The following BCORL1 variants were observed in gnomAD, a reference collection of about 807,000 sequenced individuals.
The protein encoded by BCORL1 is BCL6 corepressor like 1, also known as BCL-6 corepressor-like protein 1.
In BCORL1, 7 loss-of-function variants were observed where a neutral mutation model predicts 87.6. That is an observed-to-expected ratio of 0.08 (90% CI 0.05 to 0.15). The LOEUF (loss-of-function observed/expected upper bound fraction) is 0.15, where lower values mean the gene tolerates loss of function less well. Among genes scored for constraint, BCORL1 ranks in the 10% least tolerant of loss-of-function variants. The pLI is 1.00. For synonymous variants in BCORL1, 591 were observed against 634.4 expected (o/e 0.93, Z 1.03); for missense variants, 1,215 against 1,499.7 (o/e 0.81, Z 3.13).
chrX:130,006,424 G>T (rs1052828700), intron 2 of BCORL1, among the ~76,000 whole-genome samples: 2 of 105,421 alleles, frequency 1.9e-5, no homozygotes, highest in Non-Finnish European at 3.9e-5. Context: ...GCAGTGGCGC[G>T]ATCTCGGCTC....
At position 130,016,230 on chromosome X, in the gene BCORL1, G is replaced by A. The variant is rs1408315076; in HGVS notation, c.3441+17G>A. On this transcript the variant is annotated intron_variant, in intron 4 of 13. Coordinates refer to ENST00000540052, the MANE Select transcript of BCORL1 (RefSeq NM_001379451.1). Reference sequence around the variant, plus strand: ...AGACCCAAGGTGAGTGCTGAGCTAAGGTCCAGGGTGGGGCCGAGATGCCGC... The same window carrying A: ...AGACCCAAGGTGAGTGCTGAGCTAAAGTCCAGGGTGGGGCCGAGATGCCGC... The A allele has an allele frequency of 6.0e-6, 7 of 1,175,362 alleles. No homozygotes were observed. Among genetic ancestry groups the A allele is most frequent in the Non-Finnish European group, 8.0e-6 (7 of 876,083 alleles).
At chrX:130,018,054 C>T (rs2124462416) in intron 4 of BCORL1, among the ~76,000 whole-genome samples, 1 of 112,232 alleles carries the variant, frequency 8.9e-6, no homozygotes, top group East Asian at 2.8e-4. Flanking sequence ...AGGGTGGTAT[C>T]ATAGATTGAT....
Position 130,022,961 on chromosome X carries a change from C to T in BCORL1, c.3672C>T (p.Arg1224=), listed in dbSNP as rs769316461. ...TTATTCCTGTGGTTCTGAGCACCCG[C>T]ACGCGCAGTCAGTCTGGTGAGTGAG... The part of the protein sequence containing the change: ...RDFIPVVLST[R]TRSQSGSICS... The change falls in exon 6 of 14, where the codon CGC becomes CGT. Residue 1224 remains arginine (R), a synonymous_variant. Transcript: ENST00000540052. 4.1e-6 allele frequency: 5 copies of T among 1,206,103 alleles called. No individual in the cohort carries two copies. The African/African-American group carries it at 7.0e-5, about 17-fold the overall frequency.
rs184809857 is a variant in BCORL1 at position 129,986,856 on chromosome X, A to G, written c.-45+4094A>G. 1.5e-4 allele frequency among the ~76,000 whole-genome samples: 17 copies of G among 111,950 alleles called. No homozygotes were observed. The East Asian group carries it at 4.7e-3, about 31-fold the overall frequency. On this transcript the variant is annotated intron_variant, in intron 1 of 13. Coordinates refer to ENST00000540052, the MANE Select transcript of BCORL1 (RefSeq NM_001379451.1). The stretch of plus-strand genomic sequence containing the variant: ...AAAAAAACAAAAAAACAAAAAAAGA[A>G]AAAAGAAAAAAATGTTCAGTACAGG...
chrX:129,982,744 C>CGA lies in BCORL1; in HGVS notation c.-55_-54dup, dbSNP rs1252397219. ...CCTAGAGTCCGACCGCCGCCGCCGCCGAGAGAGAGGAGAAGGAGGTCGGTG... is the reference window on the plus strand; with the variant it reads ...CCTAGAGTCCGACCGCCGCCGCCGCCGAGAGAGAGAGGAGAAGGAGGTCGGTG... On this transcript the variant is annotated 5_prime_UTR_variant, in exon 1 of 14. Transcript: ENST00000540052. 2.7e-5 allele frequency: 3 copies of CGA among 111,014 alleles called. No individual in the cohort carries two copies. The highest frequency in any genetic ancestry group is 3.9e-4 in the South Asian group (1 of 2,562). The allele number at this position is 111,014 out of a possible 1,213,427, so 9.1% of individuals were successfully genotyped here.
intron 9 of BCORL1, among the ~76,000 whole-genome samples, chrX:130,036,659 A>C (rs1157812061): frequency 8.9e-6 from 1 of 112,167 alleles, no homozygotes; most frequent in Non-Finnish European, 1.9e-5. Context: ...TCCTTAAAAC[A>C]ATTGTCTTCC....
rs776932581 is a variant in BCORL1 at position 129,991,824 on chromosome X, A to ATT, written c.-45+9074_-45+9075dup. Among the ~76,000 whole-genome samples the ATT allele has an allele frequency of 4.3e-3, 391 of 91,191 alleles. 4 individuals carry two copies. Among genetic ancestry groups the ATT allele is most frequent in the African/African-American group, 0.015 (374 of 24,468 alleles). The allele number at this position is 91,191 out of a possible 115,157, so 79.2% of individuals were successfully genotyped here. ...AGGCGCCCGCCACCATGCCCAGCTAATTTTTTTTTTTTTGTATTTTTAGTA... is the reference window on the plus strand; with the variant it reads ...AGGCGCCCGCCACCATGCCCAGCTAATTTTTTTTTTTTTTTGTATTTTTAGTA... On this transcript the variant is annotated intron_variant, in intron 1 of 13. Transcript: ENST00000540052.
intron 1 of BCORL1, among the ~76,000 whole-genome samples, chrX:129,994,676 C>T (rs1458010468): frequency 1.8e-5 from 2 of 111,511 alleles, no homozygotes; most frequent in Non-Finnish European, 3.8e-5. Flanking sequence ...CATGCTAGAC[C>T]TATATGCCGG....
chrX:130,037,018 C>T (rs957046591), intron 9 of BCORL1, among the ~76,000 whole-genome samples: 7 of 110,826 alleles, frequency 6.3e-5, no homozygotes, highest in Admixed American at 4.8e-4. Context: ...TGGTGGCGTG[C>T]GCCTGTAGCT....
At chrX:130,024,401 G>A (rs1930077362) in intron 6 of BCORL1, among the ~76,000 whole-genome samples, 1 of 111,481 alleles carries the variant, frequency 9.0e-6, no homozygotes, top group Non-Finnish European at 1.9e-5. Context: ...ACCAGGCTCT[G>A]TCACAGATCA....
At chrX:130,034,956 T>C (rs1332943630) in intron 9 of BCORL1, among the ~76,000 whole-genome samples, 1 of 111,903 alleles carries the variant, frequency 8.9e-6, no homozygotes, top group Non-Finnish European at 1.9e-5. Context: ...CTTAAATTTC[T>C]CTGTATGGTG....
intron 4 of BCORL1, among the ~76,000 whole-genome samples, chrX:130,018,919 C>T (rs1377974556): frequency 8.9e-6 from 1 of 112,064 alleles, no homozygotes; most frequent in Non-Finnish European, 1.9e-5. Context: ...TTTGAAATAG[C>T]CCCTTTCAGG....
chrX:129,996,203 T>C (rs1021235435), intron 1 of BCORL1, among the ~76,000 whole-genome samples: 39 of 111,219 alleles, frequency 3.5e-4, no homozygotes, highest in Non-Finnish European at 4.1e-4. Context: ...CCAAAGTTGG[T>C]TTTCCTTACT....
rs746466245 is a variant in BCORL1, at chrX:130,039,238, C to T, written c.4796C>T (p.Ala1599Val). ...PTLATYSGQTAMKLASSDTMK... is the reference protein window; with the variant it reads ...PTLATYSGQTVMKLASSDTMK... ...CTGGCTACCTACTCGGGTCAGACAG[C>T]CATGAAGCTGGCCAGCAGCGACACC... The change falls in exon 11 of 14, where the codon GCC becomes GTC. Residue 1599 changes from alanine (A) to valine (V), a missense_variant. Ala to Val is a moderately conservative substitution (Grantham distance 64, BLOSUM62 0). Coordinates refer to ENST00000540052, the MANE Select transcript of BCORL1 (RefSeq NM_001379451.1). 8 of 1,211,233 alleles carry T rather than the reference C, an allele frequency of 6.6e-6. No individual in the cohort carries two copies. The Admixed American group carries it at 1.7e-4, about 26-fold the overall frequency.
At chrX:129,984,448 G>C (rs1404577005) in intron 1 of BCORL1, among the ~76,000 whole-genome samples, 2 of 111,367 alleles carry the variant, frequency 1.8e-5, no homozygotes, top group South Asian at 3.7e-4. Flanking sequence ...AGAAGGAAGG[G>C]GGGTGTGGGT....
chrX:130,035,124 G>T (rs781200342), intron 9 of BCORL1, among the ~76,000 whole-genome samples: 1 of 111,792 alleles, frequency 8.9e-6, no homozygotes, highest in East Asian at 2.8e-4. Context: ...CTATAGATTA[G>T]AAAGAAGGCA....
intron 1 of BCORL1, among the ~76,000 whole-genome samples, chrX:130,001,821 C>G (rs1054692791): frequency 9.1e-6 from 1 of 110,394 alleles, no homozygotes; most frequent in Non-Finnish European, 1.9e-5. Flanking sequence ...TGGCTGGGTG[C>G]TAGAGGCCGG....
At chrX:130,046,456 G>C (rs768932664) in intron 11 of BCORL1, among the ~76,000 whole-genome samples, 9 of 109,688 alleles carry the variant, frequency 8.2e-5, no homozygotes, top group Admixed American at 6.8e-4. Context: ...TTGGCTCACT[G>C]ACGCCTCCGC....
At chrX:130,037,935 C>T (rs772186910) in intron 10 of BCORL1, among the ~76,000 whole-genome samples, 1 of 112,022 alleles carries the variant, frequency 8.9e-6, no homozygotes, top group South Asian at 3.7e-4. Flanking sequence ...CAACCTGAAC[C>T]TTCGTAGCAC....
Sources: gnomAD v4.1 joint callset for allele counts (sites outside exome capture counted in the v4.1 genomes callset) on GRCh38, gnomAD v4.1.1 for gene constraint, MANE v1.5 for transcripts, NCBI Gene and HGNC (gene_info 2026-07-23, HGNC 2026-07-21) for gene names.